The following MIS18A variants were observed in gnomAD, a reference collection of about 807,000 sequenced individuals.
MIS18A encodes the protein protein Mis18-alpha.
In MIS18A, 14 loss-of-function variants were observed where a neutral mutation model predicts 25.0. The observed-to-expected ratio is 0.56, with a 90% confidence interval of 0.37 to 0.88. The LOEUF is 0.88. MIS18A is among the 40% of genes least tolerant of loss of function. MIS18A has a pLI of 0.00. For synonymous variants in MIS18A, 134 were observed against 118.6 expected (o/e 1.13, Z -0.84); for missense variants, 292 against 290.8 (o/e 1.00, Z -0.03).
chr21:32,277,506 G>A (rs2031837279), intron 1 of MIS18A, among the ~76,000 whole-genome samples: 1 of 152,150 alleles, frequency 6.6e-6, no homozygotes, highest in East Asian at 1.9e-4. Flanking sequence ...AGGCTGGAGT[G>A]CAGTGGCGCA....
At chr21:32,205,886 G>C in the MIS18A span, among the ~76,000 whole-genome samples, 1 of 152,124 alleles carries the variant, frequency 6.6e-6, no homozygotes, top group African/African-American at 2.4e-5. Flanking sequence ...TTTGCCATAA[G>C]ATGGCCAAGC....
chr21:32,203,441 C>T, the MIS18A span, among the ~76,000 whole-genome samples: 65 of 150,262 alleles, frequency 4.3e-4, no homozygotes, highest in African/African-American at 1.5e-3. Flanking sequence ...AGTTTACATG[C>T]TAAGGGGTGA....
chr21:32,176,053 A>T, the MIS18A span, among the ~76,000 whole-genome samples: 11,751 of 152,184 alleles, frequency 0.077, 577 homozygotes, highest in South Asian at 0.15. Context: ...ACATGCATGG[A>T]GCTGTCTATG....
At chr21:32,193,727 T>C in the MIS18A span, among the ~76,000 whole-genome samples, 11 of 152,204 alleles carry the variant, frequency 7.2e-5, no homozygotes, top group African/African-American at 2.7e-4. Context: ...TTTCTTTTTT[T>C]TTTTGCACAG....
At chr21:32,231,022 G>A in the MIS18A span, among the ~76,000 whole-genome samples, 1 of 151,774 alleles carries the variant, frequency 6.6e-6, no homozygotes, top group Admixed American at 6.6e-5. Flanking sequence ...ACCACTTGAG[G>A]CCAGGAGTTC....
chr21:32,247,897 T>A, the MIS18A span, among the ~76,000 whole-genome samples: 1 of 152,150 alleles, frequency 6.6e-6, no homozygotes, highest in Non-Finnish European at 1.5e-5. Context: ...AGGCACCCAG[T>A]CCCCATCCTA....
chr21:32,278,923 A>G lies in MIS18A; in HGVS notation c.92T>C (p.Leu31Ser). The stretch of plus-strand genomic sequence containing the variant: ...CGAGTCTTCGGAGAGTCTCTTGCCC[A>G]ACAGCGAGGAGTCGCTGCATTTGCC... ...DKGKCSDSSL[L>S]GKRLSEDSSR... Residue 31 changes from leucine to serine, a missense_variant, in exon 1 of 5, where the codon TTG becomes TCG. By Grantham distance (145) the Leu-to-Ser change is moderately radical. Coordinates refer to ENST00000290130, the MANE Select transcript of MIS18A (RefSeq NM_018944.3). The G allele has an allele frequency of 1.2e-6, 2 of 1,613,572 alleles. No individual in the cohort carries two copies. Among genetic ancestry groups the G allele is most frequent in the Non-Finnish European group, 1.7e-6 (2 of 1,180,006 alleles).
At chr21:32,158,623 C>CAT in the MIS18A span, among the ~76,000 whole-genome samples, 1 of 152,040 alleles carries the variant, frequency 6.6e-6, no homozygotes, top group African/African-American at 2.4e-5. Flanking sequence ...TACAGGCATG[C>CAT]ACCACCATGC....
chr21:32,270,290 A>G, intron 3 of MIS18A, 117 bp downstream of exon 3: 3 of 1,208,882 alleles, frequency 2.5e-6, no homozygotes, highest in Non-Finnish European at 3.3e-6. Context: ...CTGGCTTGTT[A>G]GAAATCATTA....
chr21:32,157,507 TTATTA>T, the MIS18A span, among the ~76,000 whole-genome samples: 4 of 151,836 alleles, frequency 2.6e-5, no homozygotes, highest in East Asian at 1.9e-4. Context: ...ATTTTTCAAT[TTATTA>T]TAGTAAAGTT....
the MIS18A span, among the ~76,000 whole-genome samples, chr21:32,194,532 G>T: frequency 6.6e-6 from 1 of 152,014 alleles, no homozygotes; most frequent in Non-Finnish European, 1.5e-5. Context: ...GGTGGTGCAT[G>T]CCTGTTATCC....
the MIS18A span, among the ~76,000 whole-genome samples, chr21:32,158,083 G>A: frequency 6.6e-6 from 1 of 152,148 alleles, no homozygotes. Context: ...TTTTTCATGT[G>A]ATTTGGTAGC....
At chr21:32,182,464 TA>T in the MIS18A span, among the ~76,000 whole-genome samples, 2 of 152,218 alleles carry the variant, frequency 1.3e-5, no homozygotes, top group Non-Finnish European at 2.9e-5. Flanking sequence ...TGGCTCTTTT[TA>T]AAACTGTACG....
At chr21:32,267,759 G>C (rs947415108), downstream of MIS18A, among the ~76,000 whole-genome samples, 3 of 152,192 alleles carry the variant, frequency 2.0e-5, no homozygotes, top group African/African-American at 7.2e-5. Flanking sequence ...CAGACACCTG[G>C]GACTACATCG....
At chr21:32,197,513 CA>C in the MIS18A span, among the ~76,000 whole-genome samples, 1 of 152,178 alleles carries the variant, frequency 6.6e-6, no homozygotes, top group African/African-American at 2.4e-5. Flanking sequence ...ATTTCTGGTT[CA>C]CTTGTAGCAT....
the MIS18A span, among the ~76,000 whole-genome samples, chr21:32,243,476 A>AAG: frequency 1.3e-5 from 2 of 152,366 alleles, no homozygotes; most frequent in African/African-American, 4.8e-5. Context: ...GCATATGAAA[A>AAG]AGATGTTTAT....
At chr21:32,198,555 G>A in the MIS18A span, among the ~76,000 whole-genome samples, 4 of 152,206 alleles carry the variant, frequency 2.6e-5, no homozygotes, top group Non-Finnish European at 2.9e-5. Flanking sequence ...CCCCGGGCCC[G>A]AAGCACTAGG....
At chr21:32,174,202 A>G in the MIS18A span, among the ~76,000 whole-genome samples, 41 of 152,024 alleles carry the variant, frequency 2.7e-4, no homozygotes, top group East Asian at 7.6e-3. Context: ...TGACCTCATG[A>G]TCCGCCCGCC....
At chr21:32,189,858 T>C in the MIS18A span, among the ~76,000 whole-genome samples, 1 of 152,168 alleles carries the variant, frequency 6.6e-6, no homozygotes, top group Non-Finnish European at 1.5e-5. Context: ...CTGGGTGTAT[T>C]TCTCTCTGCA....
Sources: allele counts gnomAD v4.1 joint callset (sites outside exome capture counted in the v4.1 genomes callset), GRCh38; gene constraint gnomAD v4.1.1; transcripts MANE v1.5; gene names NCBI Gene and HGNC (gene_info 2026-07-23, HGNC 2026-07-21).